The following ADAMTSL1 variants were observed in gnomAD, a reference collection of about 807,000 sequenced individuals.
The protein encoded by ADAMTSL1 is ADAMTS-like protein 1.
A neutral mutation model predicts 201.8 loss-of-function variants in ADAMTSL1; 126 were observed. The ratio of observed to expected loss-of-function variants is 0.62; its 90% CI spans 0.54 to 0.72. ADAMTSL1 has a LOEUF of 0.72. Among genes scored for constraint, ADAMTSL1 ranks in the 30% least tolerant of loss-of-function variants. The pLI is 0.00. For synonymous variants in ADAMTSL1, 1,121 were observed against 903.4 expected, an observed-to-expected ratio of 1.24 and a Z score of -4.32; for missense variants, 2,679 against 2,277.8, an observed-to-expected ratio of 1.18 and a Z score of -3.59.
intron 1 of ADAMTSL1, among the ~76,000 whole-genome samples, chr9:18,048,364 T>A (rs12685471): frequency 0.036 from 5,556 of 152,238 alleles, 327 homozygotes; most frequent in East Asian, 0.32. Context: ...CCAGTTGGTT[T>A]TATGCACATT....
intron 2 of ADAMTSL1, among the ~76,000 whole-genome samples, chr9:18,207,213 A>G (rs1197381723): frequency 1.3e-5 from 2 of 152,108 alleles, no homozygotes; most frequent in East Asian, 3.9e-4. Flanking sequence ...AGGGAAAGGA[A>G]GAAGGTAGGA....
At chr9:18,274,713 TA>T (rs558591970) in intron 2 of ADAMTSL1, among the ~76,000 whole-genome samples, 6 of 152,022 alleles carry the variant, frequency 3.9e-5, no homozygotes, top group Non-Finnish European at 7.4e-5. Context: ...AAGACTAAAA[TA>T]AAAAAACTAA....
At chr9:18,086,451 A>G (rs1823774769) in intron 1 of ADAMTSL1, among the ~76,000 whole-genome samples, 1 of 152,202 alleles carries the variant, frequency 6.6e-6, no homozygotes. Context: ...TTTCTTTAAG[A>G]GCCATCATAT....
At chr9:18,399,323 A>ATC (rs1817887012) in intron 2 of ADAMTSL1, among the ~76,000 whole-genome samples, 2 of 121,152 alleles carry the variant, frequency 1.7e-5, no homozygotes, top group Non-Finnish European at 3.4e-5. Flanking sequence ...ATATATATAT[A>ATC]TATATAAAAT....
intron 2 of ADAMTSL1, among the ~76,000 whole-genome samples, chr9:18,370,287 A>C (rs1238969503): frequency 2.6e-5 from 4 of 152,068 alleles, no homozygotes; most frequent in Admixed American, 2.0e-4. Context: ...TCTCAAAAAA[A>C]AAAAAAGAGG....
At chr9:18,505,426 A>G (rs1233868470) in intron 2 of ADAMTSL1, among the ~76,000 whole-genome samples, 3 of 152,242 alleles carry the variant, frequency 2.0e-5, no homozygotes, top group Non-Finnish European at 4.4e-5. Context: ...TCTTAAAGTC[A>G]TTCAGTTCAA....
intron 2 of ADAMTSL1, among the ~76,000 whole-genome samples, chr9:18,290,090 C>A (rs578177858): frequency 6.6e-6 from 1 of 152,012 alleles, no homozygotes. Flanking sequence ...TGTTTGGGAA[C>A]CTTAATCATC....
chr9:18,100,434 C>T (rs910627946), intron 1 of ADAMTSL1, among the ~76,000 whole-genome samples: 1 of 152,102 alleles, frequency 6.6e-6, no homozygotes, highest in African/African-American at 2.4e-5. Flanking sequence ...GGTGTATATG[C>T]CTTGACTTTA....
chr9:18,612,212 G>A (rs1825422135), intron 4 of ADAMTSL1, among the ~76,000 whole-genome samples: 1 of 152,190 alleles, frequency 6.6e-6, no homozygotes, highest in African/African-American at 2.4e-5. Flanking sequence ...TAGCAGGCAA[G>A]GTGACAAGTG....
intron 3 of ADAMTSL1, among the ~76,000 whole-genome samples, chr9:18,544,501 T>C (rs143484702): frequency 1.1e-4 from 17 of 152,276 alleles, no homozygotes; most frequent in African/African-American, 4.1e-4. Context: ...TATTGTCCCC[T>C]AAATTGATCA....
chr9:18,566,749 A>T (rs1821923337), intron 3 of ADAMTSL1, among the ~76,000 whole-genome samples: 1 of 152,048 alleles, frequency 6.6e-6, no homozygotes, highest in Admixed American at 6.6e-5. Context: ...ATAGGATGTG[A>T]CAGGCCTGAG....
At chr9:18,228,825 T>G (rs886814275) in intron 2 of ADAMTSL1, among the ~76,000 whole-genome samples, 8 of 150,844 alleles carry the variant, frequency 5.3e-5, no homozygotes, top group Non-Finnish European at 1.2e-4. Flanking sequence ...GCTGTGATTG[T>G]GATTCAGAGT....
chr9:18,818,373 T>C (rs1199417427), intron 21 of ADAMTSL1, among the ~76,000 whole-genome samples: 1 of 152,200 alleles, frequency 6.6e-6, no homozygotes, highest in East Asian at 1.9e-4. Context: ...TTACCTCAAT[T>C]TGTTACTTAT....
intron 2 of ADAMTSL1, among the ~76,000 whole-genome samples, chr9:18,240,377 G>A (rs1211457719): frequency 2.0e-5 from 3 of 150,622 alleles, no homozygotes; most frequent in Non-Finnish European, 4.4e-5. Flanking sequence ...TATTAACAGT[G>A]GGCTTTGTAT....
intron 1 of ADAMTSL1, among the ~76,000 whole-genome samples, chr9:18,115,158 T>C (rs969966125): frequency 6.6e-6 from 1 of 152,206 alleles, no homozygotes; most frequent in African/African-American, 2.4e-5. Context: ...CAAAACATCA[T>C]AGACAATCCT....
intron 23 of ADAMTSL1, among the ~76,000 whole-genome samples, chr9:18,871,563 A>G (rs1277181037): frequency 6.6e-6 from 1 of 152,176 alleles, no homozygotes; most frequent in Non-Finnish European, 1.5e-5. Context: ...TTCCATCTTT[A>G]TCATCCTGAT....
intron 1 of ADAMTSL1, among the ~76,000 whole-genome samples, chr9:18,502,821 G>A (rs1822912188): frequency 6.6e-6 from 1 of 152,044 alleles, no homozygotes; most frequent in Non-Finnish European, 1.5e-5. Context: ...TACAAGCACG[G>A]TGTCTCAACT....
intron 19 of ADAMTSL1, among the ~76,000 whole-genome samples, chr9:18,789,751 G>A (rs1168090358): frequency 6.6e-6 from 1 of 152,160 alleles, no homozygotes; most frequent in African/African-American, 2.4e-5. Context: ...TAAGGGAGGG[G>A]GAGGAGGAGG....
At chr9:18,737,468 T>C (rs1818580987) in intron 15 of ADAMTSL1, among the ~76,000 whole-genome samples, 1 of 152,066 alleles carries the variant, frequency 6.6e-6, no homozygotes, top group South Asian at 2.1e-4. Context: ...TCACTTCTAG[T>C]GATTGAGGGA....
Sources: allele counts gnomAD v4.1 joint callset (sites outside exome capture counted in the v4.1 genomes callset), GRCh38; gene constraint gnomAD v4.1.1; transcripts MANE v1.5; gene names NCBI Gene and HGNC (gene_info 2026-07-23, HGNC 2026-07-21).